The following SYT11 variants were observed in gnomAD, a reference collection of about 807,000 sequenced individuals.
The protein encoded by SYT11 is synaptotagmin 11, also known as synaptotagmin-11.
A neutral mutation model predicts 30.4 loss-of-function variants in SYT11; 12 were observed. That is an observed-to-expected ratio of 0.39 (90% CI 0.25 to 0.64). The LOEUF is 0.64. Among genes scored for constraint, SYT11 ranks in the 30% least tolerant of loss-of-function variants. The pLI, the probability that SYT11 is intolerant of heterozygous loss-of-function variation, is 0.45. For missense variants in SYT11, 412 were observed against 552.0 expected (o/e 0.75, Z 2.54); for synonymous variants, 204 against 216.0 (o/e 0.94, Z 0.49).
intron 1 of SYT11, among the ~76,000 whole-genome samples, chr1:155,867,756 G>A (rs1345415356): frequency 6.6e-6 from 1 of 152,220 alleles, no homozygotes. Context: ...TTCTATAGAA[G>A]GCTGGGAGGA....
intron 2 of SYT11, among the ~76,000 whole-genome samples, chr1:155,879,716 A>C (rs1339591683): frequency 1.3e-5 from 2 of 152,256 alleles, no homozygotes; most frequent in Admixed American, 1.3e-4. Context: ...TTAAAGGATA[A>C]GAACCAAATG....
chr1:155,861,311 A>G (rs1185730773), intron 1 of SYT11, among the ~76,000 whole-genome samples: 3 of 152,314 alleles, frequency 2.0e-5, no homozygotes, highest in East Asian at 3.9e-4. Flanking sequence ...TGAGCAATCC[A>G]TGATTTCTTC....
rs1672723163 is a variant in SYT11 at position 155,868,395 on chromosome 1, T to C, written c.465T>C (p.Asp155=). The C allele has an allele frequency of 1.5e-5, 25 of 1,613,920 alleles. No homozygotes were observed. The highest frequency in any genetic ancestry group is 2.1e-5 in the Non-Finnish European group (25 of 1,179,928). The change falls in exon 2 of 4, where the codon GAT becomes GAC. Residue 155 remains aspartate (D), a synonymous_variant. Coordinates refer to ENST00000368324, the MANE Select transcript of SYT11 (RefSeq NM_152280.5). This position sits in a 1 kb window ranked among gnomAD's most constrained non-coding sequence, Gnocchi z 4.7. ...KTTSPSSPEE[D]VMLGSLTFSV... is the part of the protein sequence containing the mutation. ...CCTCTCCATCATCTCCAGAGGAGGATGTCATGCTAGGATCCCTCACCTTCT... is the reference window on the plus strand; with the variant it reads ...CCTCTCCATCATCTCCAGAGGAGGACGTCATGCTAGGATCCCTCACCTTCT...
At chr1:155,865,350 G>A (rs186399327) in intron 1 of SYT11, among the ~76,000 whole-genome samples, 69 of 152,160 alleles carry the variant, frequency 4.5e-4, no homozygotes, top group Middle Eastern at 3.4e-3. Flanking sequence ...GCTTTAGGCC[G>A]GGCGCGGTGG....
intron 2 of SYT11, among the ~76,000 whole-genome samples, chr1:155,873,715 G>A (rs975671358): frequency 4.6e-5 from 7 of 152,240 alleles, no homozygotes; most frequent in East Asian, 1.9e-4. Flanking sequence ...GCTACATGTC[G>A]CTATTGAGCA....
rs941149679 is a variant in SYT11 at position 155,868,350 on chromosome 1, C to A, written c.420C>A (p.Thr140=). The change falls in exon 2 of 4, where the codon ACC becomes ACA. Residue 140 remains threonine (T), a synonymous_variant. Transcript: ENST00000368324. This position sits in a 1 kb window ranked among gnomAD's most constrained non-coding sequence, Gnocchi z 4.7. The part of the protein sequence containing the change: ...EELRSPITSL[T]PGESKTTSPS... ...TAAGGAGCCCTATTACAAGCCTGAC[C>A]CCTGGGGAGAGCAAAACCACCTCTC... 11 of 1,613,862 alleles carry A rather than the reference C, an allele frequency of 6.8e-6. No homozygotes were observed. Among genetic ancestry groups the A allele is most frequent in the Middle Eastern group, 1.6e-4 (1 of 6,084 alleles).
Position 155,866,927 on chromosome 1 carries a change from C to A in SYT11, c.35-1038C>A, listed in dbSNP as rs374359176. Among the ~76,000 whole-genome samples the A allele has an allele frequency of 7.5e-4, 113 of 151,062 alleles. 2 individuals are homozygous for A. In the South Asian group the frequency reaches 0.022, roughly 30 times the overall value. On this transcript the variant is annotated intron_variant, in intron 1 of 3. Transcript: ENST00000368324. Reference sequence around the variant, plus strand: ...ATAAATACATATATATACACACACACATATATACATATATACACACACATA... The same window carrying A: ...ATAAATACATATATATACACACACAAATATATACATATATACACACACATA...
rs1232023152 is a variant in SYT11, at chr1:155,883,359, C to T, written c.*1851C>T. On this transcript the variant is annotated 3_prime_UTR_variant, in exon 4 of 4. Coordinates refer to ENST00000368324, the MANE Select transcript of SYT11 (RefSeq NM_152280.5). The stretch of plus-strand genomic sequence containing the variant: ...GACCAGCCTGGGCTACATGACGAAA[C>T]TCCATCTCTATCAAAAATACAAAAA... The T allele has an allele frequency of 6.6e-6, 1 of 152,282 alleles. No individual in the cohort carries two copies. The highest frequency in any genetic ancestry group is 1.5e-5 in the Non-Finnish European group (1 of 68,136). 9.4% of individuals were successfully genotyped at this position (152,282 alleles called of 1,614,324 possible). A position where few individuals can be genotyped will look rare whatever the true frequency, so the allele number is the denominator to read the frequency against.
At chr1:155,873,104 G>C (rs77345941) in intron 2 of SYT11, among the ~76,000 whole-genome samples, 2,879 of 152,288 alleles carry the variant, frequency 0.019, 36 homozygotes, top group Non-Finnish European at 0.031. Flanking sequence ...TGTCATTCGT[G>C]TTATTCTTGC....
In SYT11 at chr1:155,883,588, A is replaced by G. The variant is rs1186590779; in HGVS notation, c.*2080A>G. ...AACTAGGTAAACTTGGATAGGCAGT[A>G]GATATTTTTGCCCACCTGAGGAGGA... On this transcript the variant is annotated 3_prime_UTR_variant, in exon 4 of 4. Coordinates refer to ENST00000368324, the MANE Select transcript of SYT11 (RefSeq NM_152280.5). The G allele has an allele frequency of 6.6e-6, 1 of 152,156 alleles. No homozygotes were observed. Among genetic ancestry groups the G allele is most frequent in the Non-Finnish European group, 1.5e-5 (1 of 68,034 alleles). The allele number at this position is 152,156 out of a possible 1,614,324, so 9.4% of individuals were successfully genotyped here.
At chr1:155,864,998 A>G (rs1467897986) in intron 1 of SYT11, among the ~76,000 whole-genome samples, 1 of 152,088 alleles carries the variant, frequency 6.6e-6, no homozygotes, top group African/African-American at 2.4e-5. Context: ...GGCATGAGCC[A>G]CCGCACCAGG....
chr1:155,880,395 C>A (rs1045614239), intron 2 of SYT11, 105 bp from the exon 3 acceptor site: 2 of 1,410,964 alleles, frequency 1.4e-6, no homozygotes, highest in African/African-American at 2.8e-5. Context: ...AACTTATCAT[C>A]CCTGCACTTG....
intron 2 of SYT11, among the ~76,000 whole-genome samples, chr1:155,872,373 G>C (rs1371938365): frequency 1.3e-5 from 2 of 152,192 alleles, no homozygotes; most frequent in Admixed American, 1.3e-4. Context: ...AGCTTATGAT[G>C]GTCCACCTAA....
rs192881572 is a variant in SYT11 at position 155,873,463 on chromosome 1, T to C, written c.861+4672T>C. 1.4e-3 allele frequency among the ~76,000 whole-genome samples: 219 copies of C among 152,310 alleles called. 2 individuals are homozygous for C. The highest frequency in any genetic ancestry group is 4.3e-3 in the African/African-American group (179 of 41,576). The stretch of plus-strand genomic sequence containing the variant: ...AATGAAACGTTGCTTTTCCCCCACC[T>C]ATCCTTCCTCTGTATATAAAGTTAG... On this transcript the variant is annotated intron_variant, in intron 2 of 3. Coordinates refer to ENST00000368324, the MANE Select transcript of SYT11 (RefSeq NM_152280.5).
intron 1 of SYT11, 115 bp downstream of exon 1, chr1:155,859,910 C>G: frequency 1.9e-6 from 2 of 1,038,690 alleles, no homozygotes; most frequent in Admixed American, 1.7e-5. Context: ...AATGCCAGCC[C>G]CACTAAAATC....
intron 2 of SYT11, among the ~76,000 whole-genome samples, chr1:155,872,829 T>C (rs1303869642): frequency 6.6e-6 from 1 of 152,158 alleles, no homozygotes; most frequent in Non-Finnish European, 1.5e-5. Flanking sequence ...GGCTACAGAC[T>C]TGGGCATCAC....
chr1:155,879,364 C>T (rs1391048960), intron 2 of SYT11, among the ~76,000 whole-genome samples: 6 of 152,062 alleles, frequency 3.9e-5, no homozygotes, highest in African/African-American at 1.4e-4. Context: ...TTGCAGTGAG[C>T]CGAGATCACG....
intron 2 of SYT11, among the ~76,000 whole-genome samples, chr1:155,879,895 C>T (rs1672933508): frequency 6.6e-6 from 1 of 152,106 alleles, no homozygotes. Flanking sequence ...TGTCCAAGGT[C>T]ACAGATAAGA....
At position 155,868,814 on chromosome 1, in the gene SYT11, G is replaced by A. The variant is rs774701022; in HGVS notation, c.861+23G>A. 69 of 1,593,510 alleles carry A rather than the reference G, an allele frequency of 4.3e-5. No homozygotes were observed. Among genetic ancestry groups the A allele is most frequent in the Non-Finnish European group, 5.5e-5 (64 of 1,166,428 alleles). Reference sequence around the variant, plus strand: ...CAGGTGAGTAGGAAGTGTGTGTTGGGGAGCAATGGTAGGTTGGGGGAGAAA... The same window carrying A: ...CAGGTGAGTAGGAAGTGTGTGTTGGAGAGCAATGGTAGGTTGGGGGAGAAA... On this transcript the variant is annotated intron_variant, in intron 2 of 3. Transcript: ENST00000368324. This position sits in a 1 kb window ranked among gnomAD's most constrained non-coding sequence, Gnocchi z 4.7.
Sources: allele counts gnomAD v4.1 joint callset (sites outside exome capture counted in the v4.1 genomes callset), GRCh38; gene constraint gnomAD v4.1.1; non-coding constraint Gnocchi (gnomAD v3.1); transcripts MANE v1.5; gene names NCBI Gene and HGNC (gene_info 2026-07-23, HGNC 2026-07-21).